EML1: variants seen among roughly 807,000 people sequenced by gnomAD.
The protein encoded by EML1 is echinoderm microtubule-associated protein-like 1.
EML1 carries 27 observed loss-of-function variants against 110.4 expected under a neutral mutation model. The observed-to-expected ratio is 0.24, with a 90% CI of 0.18 to 0.34. EML1 has a LOEUF of 0.34. Ranked by LOEUF, EML1 falls within the 10% of genes least tolerant of loss-of-function variation. EML1 has a pLI of 1.00. For missense variants in EML1, 741 were observed against 1,030.9 expected, an observed-to-expected ratio of 0.72 and a Z score of 3.85; for synonymous variants, 344 against 385.8, an observed-to-expected ratio of 0.89 and a Z score of 1.27.
chr14:99,829,965 T>C (rs1002797815), intron 1 of EML1, among the ~76,000 whole-genome samples: 1 of 152,228 alleles, frequency 6.6e-6, no homozygotes, highest in African/African-American at 2.4e-5. Flanking sequence ...AGCTTTGAAA[T>C]ACCTGTTCAA....
intron 4 of EML1, among the ~76,000 whole-genome samples, chr14:99,881,176 G>A (rs2139945911): frequency 6.6e-6 from 1 of 152,320 alleles, no homozygotes; most frequent in South Asian, 2.1e-4. Flanking sequence ...CACTCAGGAA[G>A]GCTAGTTAGG....
At chr14:99,841,580 C>T (rs1183430036) in intron 1 of EML1, among the ~76,000 whole-genome samples, 2 of 152,150 alleles carry the variant, frequency 1.3e-5, no homozygotes, top group Non-Finnish European at 1.5e-5. Context: ...ATAGGTAACC[C>T]TTAGCAGACT....
At position 99,914,149 on chromosome 14, in the gene EML1, C is replaced by G. The variant is rs762613517; in HGVS notation, c.1495-30C>G. 1.4e-5 allele frequency: 22 copies of G among 1,588,502 alleles called. 1 individual carries two copies. The South Asian group carries it at 2.3e-4, about 17-fold the overall frequency. ...CTAACAACTGAATGAAATTGTACAT[C>G]TTTTCTTTTCATATGACTTTTCAAT... On this transcript the variant is annotated intron_variant, in intron 13 of 21. Coordinates refer to ENST00000262233, the MANE Select transcript of EML1 (RefSeq NM_004434.3).
intron 1 of EML1, among the ~76,000 whole-genome samples, chr14:99,820,818 A>G (rs975429659): frequency 7.2e-5 from 11 of 152,064 alleles, no homozygotes; most frequent in African/African-American, 2.7e-4. Flanking sequence ...GAGATGAGGA[A>G]AAGCATGGAA....
Position 99,916,658 on chromosome 14 carries a change from G to A in EML1, c.1753-1124G>A, listed in dbSNP as rs148739144. ...TTACCATGGCAGTGACATCACTAAT[G>A]TGATATACTCTGTGCTGTAAGCCCA... On this transcript the variant is annotated intron_variant, in intron 15 of 21. Transcript: ENST00000262233. Among the ~76,000 whole-genome samples the A allele has an allele frequency of 1.8e-4, 27 of 152,288 alleles. No homozygotes were observed. The East Asian group carries it at 5.0e-3, about 28-fold the overall frequency.
At chr14:99,769,979 T>C (rs996811344), upstream of EML1, among the ~76,000 whole-genome samples, 2 of 152,210 alleles carry the variant, frequency 1.3e-5, no homozygotes, top group Non-Finnish European at 2.9e-5. Flanking sequence ...TGATGGCCCA[T>C]ACATGCCAGC....
At chr14:99,744,710 G>A (rs1028695806) in intron 1 of EML1, among the ~76,000 whole-genome samples, 2 of 152,210 alleles carry the variant, frequency 1.3e-5, no homozygotes, top group Admixed American at 1.3e-4. Flanking sequence ...CCCTCCCACG[G>A]AGTTGCATTT....
chr14:99,846,281 A>ATTTTTTT (rs1251744096), intron 1 of EML1, among the ~76,000 whole-genome samples: 6 of 109,998 alleles, frequency 5.5e-5, no homozygotes, highest in Non-Finnish European at 1.1e-4. Flanking sequence ...CCAGCTGGTG[A>ATTTTTTT]TTTTTTTTTT....
At chr14:99,864,443 C>T (rs1271039449) in intron 2 of EML1, among the ~76,000 whole-genome samples, 1 of 152,142 alleles carries the variant, frequency 6.6e-6, no homozygotes, top group Non-Finnish European at 1.5e-5. Flanking sequence ...TATAGTTTTG[C>T]ATTTTAAATT....
chr14:99,851,130 G>T, intron 2 of EML1, 95 bp downstream of exon 2: 1 of 1,322,458 alleles, frequency 7.6e-7, no homozygotes, highest in East Asian at 2.5e-5. Context: ...TATTGACAGA[G>T]AATCGAAACT....
intron 2 of EML1, among the ~76,000 whole-genome samples, chr14:99,852,705 T>G (rs553268202): frequency 1.3e-5 from 2 of 152,242 alleles, no homozygotes; most frequent in Non-Finnish European, 2.9e-5. Flanking sequence ...GAGGGAGGAC[T>G]GTCTAAGGTT....
chr14:99,777,942 G>T (rs973316269), intron 1 of EML1, among the ~76,000 whole-genome samples: 7 of 152,160 alleles, frequency 4.6e-5, no homozygotes, highest in African/African-American at 1.7e-4. Flanking sequence ...ACACCACCAT[G>T]CCTGGCTAAT....
chr14:99,891,986 C>T (rs986649043), intron 5 of EML1, among the ~76,000 whole-genome samples: 2 of 152,192 alleles, frequency 1.3e-5, no homozygotes, highest in Admixed American at 6.5e-5. Flanking sequence ...CGCAGGGCCA[C>T]ATTGTGAGCG....
intron 1 of EML1, among the ~76,000 whole-genome samples, chr14:99,812,228 G>A (rs991134357): frequency 2.0e-5 from 3 of 151,762 alleles, no homozygotes; most frequent in African/African-American, 7.2e-5. Flanking sequence ...GGGGGTTAGG[G>A]TTGCTGATGC....
At chr14:99,824,770 C>T (rs553231494) in intron 1 of EML1, among the ~76,000 whole-genome samples, 1 of 152,046 alleles carries the variant, frequency 6.6e-6, no homozygotes, top group Non-Finnish European at 1.5e-5. Flanking sequence ...AATCCTCCCC[C>T]CTCCTACCCT....
At chr14:99,902,942 A>C (rs2059785560) in intron 9 of EML1, among the ~76,000 whole-genome samples, 1 of 152,202 alleles carries the variant, frequency 6.6e-6, no homozygotes, top group African/African-American at 2.4e-5. Flanking sequence ...AAAGGAAAGC[A>C]TGCCATTCCT....
At chr14:99,791,881 C>T (rs2057678312), upstream of EML1, among the ~76,000 whole-genome samples, 2 of 152,230 alleles carry the variant, frequency 1.3e-5, no homozygotes, top group South Asian at 2.1e-4. Context: ...TTATTTCCCA[C>T]TTGTCTGCAC....
chr14:99,939,421 G>C lies in EML1; in HGVS notation c.2322+94G>C, dbSNP rs1394312372. On this transcript the variant is annotated intron_variant, in intron 21 of 21. Coordinates refer to ENST00000262233, the MANE Select transcript of EML1 (RefSeq NM_004434.3). The surrounding 1 kb of genome is among the most constrained non-coding windows in gnomAD (Gnocchi z 4.2). ...GACTAAGTGGAAATGGGCTGTGAGC[G>C]ACTGCTGCCAGCCACAAAGGCAGAT... The C allele has an allele frequency of 1.3e-6, 2 of 1,538,768 alleles. No individual in the cohort carries two copies. Among genetic ancestry groups the C allele is most frequent in the South Asian group, 2.5e-5 (2 of 80,916 alleles).
intron 1 of EML1, among the ~76,000 whole-genome samples, chr14:99,764,415 C>T (rs996626579): frequency 6.6e-6 from 1 of 152,252 alleles, no homozygotes; most frequent in Non-Finnish European, 1.5e-5. Context: ...CACTCCACTT[C>T]CCTGGCCACC....
Sources: allele counts gnomAD v4.1 joint callset (sites outside exome capture counted in the v4.1 genomes callset), GRCh38; gene constraint gnomAD v4.1.1; non-coding constraint Gnocchi (gnomAD v3.1); transcripts MANE v1.5; gene names NCBI Gene and HGNC (gene_info 2026-07-23, HGNC 2026-07-21).